The following CTNNA1 variants were observed in gnomAD, a reference collection of about 807,000 sequenced individuals.
CTNNA1 encodes the protein catenin alpha 1, also known as catenin alpha-1.
CTNNA1 carries 37 observed loss-of-function variants against 98.4 expected under a neutral mutation model. The ratio of observed to expected loss-of-function variants is 0.38; its 90% CI spans 0.29 to 0.49. The LOEUF (loss-of-function observed/expected upper bound fraction) is 0.49, where lower values mean the gene tolerates loss of function less well. CTNNA1 is among the 20% of genes least tolerant of loss of function. CTNNA1 has a pLI of 0.95. For missense variants in CTNNA1, 761 were observed against 1,147.2 expected (o/e 0.66, Z 4.86); for synonymous variants, 404 against 413.2 (o/e 0.98, Z 0.27).
intron 7 of CTNNA1, among the ~76,000 whole-genome samples, chr5:138,850,006 ACTCT>A (rs920858255): frequency 6.6e-6 from 1 of 151,186 alleles, no homozygotes; most frequent in South Asian, 2.1e-4. Flanking sequence ...ACACACACAC[ACTCT>A]CTCTCTTAAG....
intron 7 of CTNNA1, among the ~76,000 whole-genome samples, chr5:138,885,072 C>T (rs1295555457): frequency 6.6e-6 from 1 of 152,154 alleles, no homozygotes; most frequent in Admixed American, 6.5e-5. Flanking sequence ...GCTAAATAAC[C>T]TATATCCCTC....
intron 10 of CTNNA1, among the ~76,000 whole-genome samples, chr5:138,912,657 A>G (rs1224812944): frequency 6.6e-6 from 1 of 152,216 alleles, no homozygotes; most frequent in Non-Finnish European, 1.5e-5. Flanking sequence ...CTGGGGCTCA[A>G]GCCAACAACA....
chr5:138,829,985 C>A (rs1301710293), intron 7 of CTNNA1, among the ~76,000 whole-genome samples: 2 of 151,676 alleles, frequency 1.3e-5, no homozygotes, highest in Non-Finnish European at 2.9e-5. Context: ...GCTAACGTGG[C>A]GAAACCCTGT....
chr5:138,783,463 CTT>C, intron 3 of CTNNA1, 91 bp downstream of exon 3: 1 of 1,074,878 alleles, frequency 9.3e-7, no homozygotes, highest in Non-Finnish European at 1.4e-6. Context: ...TATTCTCATT[CTT>C]ATGCTTGCCA....
At chr5:138,818,267 C>CT (rs58648221) in intron 5 of CTNNA1, among the ~76,000 whole-genome samples, 31 of 145,156 alleles carry the variant, frequency 2.1e-4, no homozygotes, top group African/African-American at 2.8e-4. Context: ...CCATATCCAG[C>CT]TTTTTTTTTT....
chr5:138,894,638 C>A (rs1756339589), intron 9 of CTNNA1, among the ~76,000 whole-genome samples: 1 of 149,040 alleles, frequency 6.7e-6, no homozygotes, highest in African/African-American at 2.5e-5. Flanking sequence ...CTGTAGCAGC[C>A]TCCTGATTAT....
At chr5:138,920,455 C>T (rs1338509707) in intron 11 of CTNNA1, among the ~76,000 whole-genome samples, 12 of 152,202 alleles carry the variant, frequency 7.9e-5, no homozygotes, top group South Asian at 6.2e-4. Context: ...TAAAGCATAG[C>T]GGTGCTTTGG....
In CTNNA1 at chr5:138,783,272, A is replaced by C. The variant is rs369216126; in HGVS notation, c.201A>C (p.Gln67His). 6.2e-7 allele frequency: 1 copy of C among 1,614,044 alleles called. No homozygotes were observed. The highest frequency in any genetic ancestry group is 1.3e-5 in the African/African-American group (1 of 74,948). The change falls in exon 3 of 18, where the codon CAA (glutamine) becomes CAC (histidine). Residue 67 changes from glutamine to histidine, a missense_variant. Physicochemically the swap from Gln to His is conservative, Grantham distance 24. Transcript: ENST00000302763. ...KAHVLAASVE[Q>H]ATENFLEKGD... Reference sequence around the variant, plus strand: ...ATGTTTTGGCTGCATCTGTTGAACAAGCAACTGAGAATTTCTTGGAGAAGG... The same window carrying C: ...ATGTTTTGGCTGCATCTGTTGAACACGCAACTGAGAATTTCTTGGAGAAGG...
chr5:138,890,087 T>C (rs1487587580), intron 9 of CTNNA1, among the ~76,000 whole-genome samples: 1 of 152,214 alleles, frequency 6.6e-6, no homozygotes. Context: ...ATTAAATGTC[T>C]ACAGGCCAAC....
intron 5 of CTNNA1, among the ~76,000 whole-genome samples, chr5:138,813,399 C>G (rs1049321063): frequency 3.3e-5 from 5 of 152,118 alleles, no homozygotes; most frequent in African/African-American, 1.2e-4. Context: ...CTCAGTTATC[C>G]CTGGCAAGAG....
intron 5 of CTNNA1, among the ~76,000 whole-genome samples, chr5:138,815,509 A>G (rs1319791998): frequency 1.3e-5 from 2 of 152,060 alleles, no homozygotes; most frequent in South Asian, 2.1e-4. Flanking sequence ...CTGGGTTGCT[A>G]AAAGTGATGG....
At chr5:138,932,295 A>G (rs1002371459) in intron 16 of CTNNA1, 4 of 1,196,042 alleles carry the variant, frequency 3.3e-6, no homozygotes, top group African/African-American at 3.1e-5. Context: ...CCCCGCCGTC[A>G]TAGGAGGGAA....
At chr5:138,885,196 T>A (rs1753769277) in intron 7 of CTNNA1, among the ~76,000 whole-genome samples, 1 of 152,084 alleles carries the variant, frequency 6.6e-6, no homozygotes, top group Admixed American at 6.6e-5. Flanking sequence ...TAAACAGATC[T>A]CCCCATTCCT....
chr5:138,874,322 T>C lies in CTNNA1; in HGVS notation c.1063-11890T>C. 6.2e-7 allele frequency: 1 copy of C among 1,614,084 alleles called. No homozygotes were observed. Among genetic ancestry groups the C allele is most frequent in the Non-Finnish European group, 8.5e-7 (1 of 1,179,898 alleles). ...AGTAAGTTGACTGAAGCTGGCAAATTGATCTCTTTCGAGCTCTGTGATGTG... is the reference window on the plus strand; with the variant it reads ...AGTAAGTTGACTGAAGCTGGCAAATCGATCTCTTTCGAGCTCTGTGATGTG... On this transcript the variant is annotated intron_variant, in intron 7 of 17. Transcript: ENST00000302763. This position sits in a 1 kb window ranked among gnomAD's most constrained non-coding sequence, Gnocchi z 4.1.
At chr5:138,776,970 C>G (rs1253154532) in intron 1 of CTNNA1, among the ~76,000 whole-genome samples, 1 of 146,922 alleles carries the variant, frequency 6.8e-6, no homozygotes, top group Non-Finnish European at 1.5e-5. Flanking sequence ...ACCTCCCTCC[C>G]GGACGGGGCG....
Position 138,753,489 on chromosome 5 carries a change from G to T in CTNNA1, c.-24G>T, listed in dbSNP as rs557368044. 12 of 379,390 alleles carry T rather than the reference G, an allele frequency of 3.2e-5. 1 individual carries two copies. Among genetic ancestry groups the T allele is most frequent in the African/African-American group, 1.9e-4 (9 of 47,708 alleles). The allele number at this position is 379,390 out of a possible 1,614,324, so 23.5% of individuals were successfully genotyped here. A position where few individuals can be genotyped will look rare whatever the true frequency, so the allele number is the denominator to read the frequency against. Reference sequence around the variant, plus strand: ...GTCTGCTTCGGGCCTCTGGAATTTAGCGCTCGCCCAGCTAGCCGCAGGTAA... The same window carrying T: ...GTCTGCTTCGGGCCTCTGGAATTTATCGCTCGCCCAGCTAGCCGCAGGTAA... On this transcript the variant is annotated 5_prime_UTR_variant, in exon 1 of 18. Transcript: ENST00000302763.
At chr5:138,872,789 C>A in intron 7 of CTNNA1, 3 of 433,608 alleles carry the variant, frequency 6.9e-6, no homozygotes, top group Non-Finnish European at 1.2e-5. Context: ...TTTAGACTTT[C>A]CAACAGGAGT....
intron 5 of CTNNA1, among the ~76,000 whole-genome samples, chr5:138,819,228 G>T (rs1326765047): frequency 1.3e-5 from 2 of 152,124 alleles, no homozygotes; most frequent in African/African-American, 4.8e-5. Flanking sequence ...GTGGAGCTTG[G>T]CAGTATCCTA....
At chr5:138,932,841 T>C (rs1455463703) in intron 17 of CTNNA1, 129 bp downstream of exon 17, 1 of 1,194,436 alleles carries the variant, frequency 8.4e-7, no homozygotes, top group Admixed American at 1.7e-5. Flanking sequence ...CCAAGTCCTG[T>C]CCCAGTCTCT....
Sources: gnomAD v4.1 joint callset for allele counts (sites outside exome capture counted in the v4.1 genomes callset) on GRCh38, gnomAD v4.1.1 for gene constraint, Gnocchi (gnomAD v3.1) non-coding constraint, MANE v1.5 for transcripts, NCBI Gene and HGNC (gene_info 2026-07-23, HGNC 2026-07-21) for gene names.